The following MAGI2 variants were observed in gnomAD, a reference collection of about 807,000 sequenced individuals.
The protein encoded by MAGI2 is membrane associated guanylate kinase, WW and PDZ domain containing 2.
MAGI2 carries 35 observed loss-of-function variants against 133.3 expected under a neutral mutation model. The ratio of observed to expected loss-of-function variants is 0.26; its 90% CI spans 0.20 to 0.35. MAGI2 has a LOEUF of 0.35. Among genes scored for constraint, MAGI2 ranks in the 10% least tolerant of loss-of-function variants. The pLI, the probability that MAGI2 is intolerant of heterozygous loss-of-function variation, is 1.00. For missense variants in MAGI2, 1,636 were observed against 1,863.4 expected (o/e 0.88, Z 2.25); for synonymous variants, 729 against 710.6 (o/e 1.03, Z -0.41).
intron 1 of MAGI2, among the ~76,000 whole-genome samples, chr7:79,147,413 C>T (rs961550809): frequency 6.6e-6 from 1 of 152,158 alleles, no homozygotes; most frequent in African/African-American, 2.4e-5. Flanking sequence ...GTGGATCCTC[C>T]TCTAGCCTTT....
intron 2 of MAGI2, among the ~76,000 whole-genome samples, chr7:78,712,583 T>C (rs1012570840): frequency 1.3e-5 from 2 of 152,092 alleles, no homozygotes; most frequent in Non-Finnish European, 2.9e-5. Flanking sequence ...GAAACTTGAA[T>C]TGAGATCTTA....
chr7:78,411,509 C>T (rs1797870650), intron 6 of MAGI2, among the ~76,000 whole-genome samples: 2 of 151,980 alleles, frequency 1.3e-5, no homozygotes, highest in African/African-American at 4.8e-5. Context: ...ATAACTAATA[C>T]TGGCAGACTG....
intron 1 of MAGI2, among the ~76,000 whole-genome samples, chr7:79,117,257 T>C (rs1035117706): frequency 3.9e-5 from 6 of 152,202 alleles, no homozygotes; most frequent in Non-Finnish European, 8.8e-5. Flanking sequence ...TAAACTGAAC[T>C]ATTTTTGCTG....
At chr7:78,793,920 C>G (rs1007849647) in intron 2 of MAGI2, among the ~76,000 whole-genome samples, 3 of 152,090 alleles carry the variant, frequency 2.0e-5, no homozygotes, top group Non-Finnish European at 4.4e-5. Context: ...GGACTCCTGT[C>G]TCATGTAGGT....
chr7:78,557,368 G>C (rs1292556359), intron 3 of MAGI2, among the ~76,000 whole-genome samples: 1 of 152,142 alleles, frequency 6.6e-6, no homozygotes, highest in Non-Finnish European at 1.5e-5. Flanking sequence ...TCCAAGACCT[G>C]GTACCATTTC....
At chr7:78,701,785 C>G (rs1457264901) in intron 2 of MAGI2, among the ~76,000 whole-genome samples, 1 of 151,978 alleles carries the variant, frequency 6.6e-6, no homozygotes, top group Non-Finnish European at 1.5e-5. Context: ...CCAAACACTT[C>G]CAGTTAAAAG....
At chr7:79,266,574 G>C (rs1416775369) in intron 1 of MAGI2, among the ~76,000 whole-genome samples, 1 of 152,108 alleles carries the variant, frequency 6.6e-6, no homozygotes, top group Non-Finnish European at 1.5e-5. Flanking sequence ...GATGTAATGT[G>C]AAATGTCTGG....
At chr7:79,095,586 T>G (rs769799833) in intron 1 of MAGI2, among the ~76,000 whole-genome samples, 2 of 152,184 alleles carry the variant, frequency 1.3e-5, no homozygotes, top group Non-Finnish European at 2.9e-5. Flanking sequence ...AGTTTCAATA[T>G]TATTGTGTCT....
At chr7:78,076,479 G>C (rs1038367643) in intron 21 of MAGI2, among the ~76,000 whole-genome samples, 4 of 149,196 alleles carry the variant, frequency 2.7e-5, no homozygotes, top group African/African-American at 9.9e-5. Context: ...AAAAAGGTGT[G>C]CCTGGATATT....
chr7:78,210,011 G>A (rs937619407), intron 10 of MAGI2, among the ~76,000 whole-genome samples: 1 of 152,102 alleles, frequency 6.6e-6, no homozygotes, highest in East Asian at 1.9e-4. Context: ...TCTCAGAGAT[G>A]TCTCTGACCT....
chr7:79,036,379 C>A (rs1811130896), intron 1 of MAGI2, among the ~76,000 whole-genome samples: 1 of 152,168 alleles, frequency 6.6e-6, no homozygotes, highest in Admixed American at 6.5e-5. Flanking sequence ...TCCTGTGTGT[C>A]AGGAAATGGG....
chr7:78,212,514 A>T lies in MAGI2; in HGVS notation c.2048-11321T>A, dbSNP rs192841400. ...GGGTGCTGGAGGCCTCTGGAAGTGG[A>T]TTCTCTTCTAACAACTACAGAAAAG... is the stretch of plus-strand genomic sequence containing the variant. On this transcript the variant is annotated intron_variant, in intron 10 of 21. Transcript: ENST00000354212. Among the ~76,000 whole-genome samples, 4 of 152,256 alleles carry T rather than the reference A, an allele frequency of 2.6e-5. No individual in the cohort carries two copies. In the East Asian group the frequency reaches 7.7e-4, roughly 29 times the overall value.
chr7:78,712,695 TC>T (rs1242823614), intron 2 of MAGI2, among the ~76,000 whole-genome samples: 2 of 152,156 alleles, frequency 1.3e-5, no homozygotes, highest in Non-Finnish European at 2.9e-5. Context: ...AATGACAAGA[TC>T]TACTCTCAGA....
intron 2 of MAGI2, among the ~76,000 whole-genome samples, chr7:78,733,557 G>C (rs16886302): frequency 6.6e-6 from 1 of 151,902 alleles, no homozygotes; most frequent in African/African-American, 2.4e-5. Flanking sequence ...GTTATTTTCC[G>C]GTTAAATAAA....
chr7:79,062,314 A>G (rs1813832028), intron 1 of MAGI2, among the ~76,000 whole-genome samples: 1 of 152,096 alleles, frequency 6.6e-6, no homozygotes, highest in African/African-American at 2.4e-5. Context: ...GTACCACTCT[A>G]TCCCCTCTAT....
intron 21 of MAGI2, among the ~76,000 whole-genome samples, chr7:78,030,653 A>C (rs1314203230): frequency 6.6e-6 from 1 of 152,224 alleles, no homozygotes; most frequent in Non-Finnish European, 1.5e-5. Flanking sequence ...CAGTAGTAGA[A>C]AAATAAAAAT....
At chr7:79,193,827 T>C (rs17152044) in intron 1 of MAGI2, among the ~76,000 whole-genome samples, 4,898 of 152,036 alleles carry the variant, frequency 0.032, 326 homozygotes, top group African/African-American at 0.11. Context: ...AGAGTCATTC[T>C]TGGGCGTTGC....
intron 3 of MAGI2, among the ~76,000 whole-genome samples, chr7:78,562,854 T>C (rs1800550516): frequency 1.3e-5 from 2 of 152,222 alleles, no homozygotes; most frequent in African/African-American, 4.8e-5. Context: ...ATGTCTCTTC[T>C]AGTCTTCTGC....
chr7:79,234,890 T>G (rs2129554539), intron 1 of MAGI2, among the ~76,000 whole-genome samples: 1 of 151,990 alleles, frequency 6.6e-6, no homozygotes, highest in Admixed American at 6.6e-5. Flanking sequence ...GAGTTTCCAG[T>G]TTTTCTGTTC....
Sources: allele counts gnomAD v4.1 joint callset (sites outside exome capture counted in the v4.1 genomes callset), GRCh38; gene constraint gnomAD v4.1.1; transcripts MANE v1.5; gene names NCBI Gene and HGNC (gene_info 2026-07-23, HGNC 2026-07-21).